USP16: variants seen among roughly 807,000 people sequenced by gnomAD.
USP16 encodes ubiquitin carboxyl-terminal hydrolase 16.
USP16 carries 77 observed loss-of-function variants against 95.9 expected under a neutral mutation model. That is an observed-to-expected ratio of 0.80 (90% CI 0.67 to 0.97). USP16 has a LOEUF of 0.97. Among genes scored for constraint, USP16 ranks in the 50% least tolerant of loss-of-function variants. The pLI, the probability that USP16 is intolerant of heterozygous loss-of-function variation, is 0.00. For missense variants in USP16, 943 were observed against 959.9 expected (o/e 0.98, Z 0.23); for synonymous variants, 303 against 318.2 (o/e 0.95, Z 0.51).
At chr21:29,029,435 G>C (rs1378017425) in intron 2 of USP16, among the ~76,000 whole-genome samples, 2 of 151,974 alleles carry the variant, frequency 1.3e-5, no homozygotes, top group African/African-American at 2.4e-5. Context: ...GAAAAAAAAG[G>C]GTACCTTCTT....
chr21:29,025,544 A>C (rs553679303), intron 1 of USP16, among the ~76,000 whole-genome samples: 2 of 152,210 alleles, frequency 1.3e-5, no homozygotes, highest in South Asian at 4.1e-4. Flanking sequence ...TTTCCGCAGC[A>C]CTGGAGTGAC....
rs1394413966 is a variant in USP16 at position 29,034,868 on chromosome 21, C to G, written c.272C>G (p.Ala91Gly). ...GCGRNSQEQH[A>G]LKHYLTPRSE... ...GGCAGAAATTCTCAGGAGCAGCATG[C>G]CTTGAAGCACTATCTGACGCCAAGA... is the stretch of plus-strand genomic sequence containing the variant. The change falls in exon 4 of 18, where the codon GCC (alanine) becomes GGC (glycine). Residue 91 changes from alanine (A) to glycine (G), a missense_variant. Transcript: ENST00000399976. 6.2e-7 allele frequency: 1 copy of G among 1,614,044 alleles called. No homozygotes were observed. Among genetic ancestry groups the G allele is most frequent in the South Asian group, 1.1e-5 (1 of 91,078 alleles).
At chr21:29,029,435 G>T (rs1378017425) in intron 2 of USP16, among the ~76,000 whole-genome samples, 1 of 152,092 alleles carries the variant, frequency 6.6e-6, no homozygotes, top group African/African-American at 2.4e-5. Context: ...GAAAAAAAAG[G>T]GTACCTTCTT....
chr21:29,048,175 C>T (rs754760254), intron 14 of USP16, among the ~76,000 whole-genome samples: 28 of 151,300 alleles, frequency 1.9e-4, no homozygotes, highest in Non-Finnish European at 3.4e-4. Context: ...CTCCACCTCC[C>T]GGGTTCAAGA....
chr21:29,043,440 A>G lies in USP16; in HGVS notation c.1197A>G (p.Val399=), dbSNP rs1485672129. 2 of 1,542,334 alleles carry G rather than the reference A, an allele frequency of 1.3e-6. No homozygotes were observed. The highest frequency in any genetic ancestry group is 1.7e-6 in the Non-Finnish European group (2 of 1,152,194). Reference sequence around the variant, plus strand: ...ATTTTAAGAGTGGTAAGAAAAGTGTAAATGATAAAAATCTGAAAAAGACAG... The same window carrying G: ...ATTTTAAGAGTGGTAAGAAAAGTGTGAATGATAAAAATCTGAAAAAGACAG... ...VLDDQSGKKS[V]NDKNLKKTVE... The change falls in exon 13 of 18, where the codon GTA becomes GTG. Residue 399 remains valine, a synonymous_variant. Transcript: ENST00000399976.
chr21:29,048,999 A>G (rs1440939689), intron 15 of USP16, 144 bp downstream of exon 15: 1 of 661,170 alleles, frequency 1.5e-6, no homozygotes, highest in Non-Finnish European at 2.5e-6. Context: ...TCAGAAAGGG[A>G]AAAACATAGG....
At chr21:29,052,783 G>GT (rs1568902609) in intron 16 of USP16, 1 of 152,268 alleles carries the variant, frequency 6.6e-6, no homozygotes, top group Non-Finnish European at 1.5e-5. Flanking sequence ...CAGCTCAGGA[G>GT]TTTGAGACCA....
rs540921340 is a variant in USP16 at position 29,050,279 on chromosome 21, T to A, written c.2193+101T>A. The A allele has an allele frequency of 1.6e-4, 150 of 954,622 alleles. 1 individual carries two copies. In the African/African-American group the frequency reaches 2.3e-3, roughly 15 times the overall value. 59.1% of individuals were successfully genotyped at this position (954,622 alleles called of 1,614,324 possible). On this transcript the variant is annotated intron_variant, in intron 16 of 17. Transcript: ENST00000399976. ...CACTTAAGTATGAAGTTGATAACAC[T>A]TATTGAGTAGAGTGGGTCTTTGATC... is the stretch of plus-strand genomic sequence containing the variant.
In USP16 at chr21:29,030,915, T is replaced by C; in HGVS notation, c.240+142T>C. 6 of 886,618 alleles carry C rather than the reference T, an allele frequency of 6.8e-6. No individual in the cohort carries two copies. In the South Asian group the frequency reaches 1.4e-4, roughly 20 times the overall value. 54.9% of individuals were successfully genotyped at this position (886,618 alleles called of 1,614,324 possible). On this transcript the variant is annotated intron_variant, in intron 3 of 17. Coordinates refer to ENST00000399976, the MANE Select transcript of USP16 (RefSeq NM_006447.3). ...TCTCTGGAGAACCAGTTCTGAGATG[T>C]GTGTATAGGTGGTGGAGTGTTCTCT...
intron 2 of USP16, among the ~76,000 whole-genome samples, chr21:29,028,839 C>G (rs747733778): frequency 1.9e-4 from 29 of 152,290 alleles, no homozygotes; most frequent in Middle Eastern, 3.4e-3. Context: ...TTTAGGTAAT[C>G]TTTAACTTTT....
rs1432423925 is a variant in USP16 at position 29,036,256 on chromosome 21, A to AT, written c.345-10dup. 13 of 1,582,666 alleles carry AT rather than the reference A, an allele frequency of 8.2e-6. No individual in the cohort carries two copies. The East Asian group carries it at 9.1e-5, about 11-fold the overall frequency. On this transcript the variant is annotated splice_polypyrimidine_tract_variant and intron_variant, in intron 4 of 17. Coordinates refer to ENST00000399976, the MANE Select transcript of USP16 (RefSeq NM_006447.3). The stretch of plus-strand genomic sequence containing the variant: ...GTCATTTTGTCATTTTTCATCTCTG[A>AT]TTTTTGGGTCACAGGTGTTACGTAT...
Position 29,042,498 on chromosome 21 carries a change from T to C in USP16, c.1149T>C (p.Leu383=), listed in dbSNP as rs1210221716. 1.2e-6 allele frequency: 2 copies of C among 1,603,340 alleles called. No homozygotes were observed. The highest frequency in any genetic ancestry group is 1.7e-6 in the Non-Finnish European group (2 of 1,176,826). Residue 383 remains leucine, a synonymous_variant, in exon 12 of 18, where the codon CTT becomes CTC. Transcript: ENST00000399976. ...TCTCCTTGGTTCATGAATCTTTCCT[T>C]GATTTGTCCCTCCCAGTTTTAGATG... The part of the protein sequence containing the change: ...RTVSLVHESF[L]DLSLPVLDDQ...
intron 13 of USP16, among the ~76,000 whole-genome samples, chr21:29,046,162 G>A (rs1389427533): frequency 6.6e-6 from 1 of 152,036 alleles, no homozygotes; most frequent in Non-Finnish European, 1.5e-5. Context: ...TTGAGACAGA[G>A]TCTTGCTCTG....
At chr21:29,048,399 A>G (rs2085363673) in intron 14 of USP16, among the ~76,000 whole-genome samples, 1 of 152,146 alleles carries the variant, frequency 6.6e-6, no homozygotes, top group Non-Finnish European at 1.5e-5. Context: ...TATTTTTTAT[A>G]GATGAGCATT....
At chr21:29,043,105 A>G (rs1241082538) in intron 12 of USP16, 1 of 173,268 alleles carries the variant, frequency 5.8e-6, no homozygotes, top group African/African-American at 2.4e-5. Context: ...TACATAAGTC[A>G]CTTAGAAAAT....
At chr21:29,042,375 C>A in intron 11 of USP16, 97 bp from the exon 12 acceptor site, 1 of 1,224,958 alleles carries the variant, frequency 8.2e-7, no homozygotes. Context: ...TATTTTAAAA[C>A]CCATCCCCTA....
rs778864259 is a variant in USP16, at chr21:29,030,679, A to G, written c.146A>G (p.Gln49Arg). 3.1e-6 allele frequency: 5 copies of G among 1,613,972 alleles called. No individual in the cohort carries two copies. Among genetic ancestry groups the G allele is most frequent in the African/African-American group, 1.3e-5 (1 of 74,944 alleles). ...GTGAATGTGGAATGGAATATCTGCC[A>G]AGACTGTAAGACTGACAATAAAGTG... ...ALVNVEWNIC[Q>R]DCKTDNKVKD... Residue 49 changes from glutamine (Q) to arginine (R), a missense_variant, in exon 3 of 18, where the codon CAA (glutamine) becomes CGA (arginine). Transcript: ENST00000399976.
chr21:29,044,736 C>T (rs767968130), intron 13 of USP16, among the ~76,000 whole-genome samples: 12 of 151,994 alleles, frequency 7.9e-5, no homozygotes, highest in African/African-American at 1.2e-4. Flanking sequence ...TGTGAGACAC[C>T]GTGCCTGGCC....
chr21:29,046,946 C>T lies in USP16; in HGVS notation c.1636C>T (p.Leu546=). The change falls in exon 14 of 18, where the codon CTG becomes TTG. Residue 546 remains leucine, a synonymous_variant. Transcript: ENST00000399976. ...DMKNINMDND[L]EVLTSSPTRN... is the part of the protein sequence containing the mutation. Reference sequence around the variant, plus strand: ...GAAAAATATCAACATGGATAATGATCTGGAGGTTTTAACATCTTCTCCCAC... The same window carrying T: ...GAAAAATATCAACATGGATAATGATTTGGAGGTTTTAACATCTTCTCCCAC... 1 of 1,614,092 alleles carries T rather than the reference C, an allele frequency of 6.2e-7. No homozygotes were observed. The highest frequency in any genetic ancestry group is 8.5e-7 in the Non-Finnish European group (1 of 1,180,006).
Sources: gnomAD v4.1 joint callset for allele counts (sites outside exome capture counted in the v4.1 genomes callset) on GRCh38, gnomAD v4.1.1 for gene constraint, MANE v1.5 for transcripts, NCBI Gene and HGNC (gene_info 2026-07-23, HGNC 2026-07-21) for gene names.